USP25: variants seen among roughly 807,000 people sequenced by gnomAD.
USP25 encodes the protein ubiquitin carboxyl-terminal hydrolase 25.
A neutral mutation model predicts 158.5 loss-of-function variants in USP25; 85 were observed. The ratio of observed to expected loss-of-function variants is 0.54; its 90% CI spans 0.45 to 0.64. The LOEUF (loss-of-function observed/expected upper bound fraction) is 0.64. USP25 is among the 30% of genes least tolerant of loss of function. The probability of loss-of-function intolerance (pLI) is 0.00; values close to 1 mark genes in which losing one functional copy is unlikely to be tolerated. For synonymous variants in USP25, 464 were observed against 460.4 expected, an observed-to-expected ratio of 1.01 and a Z score of -0.10; for missense variants, 1,242 against 1,327.3, an observed-to-expected ratio of 0.94 and a Z score of 1.00.
chr21:15,783,753 C>G (rs926665860), intron 4 of USP25, among the ~76,000 whole-genome samples: 1 of 148,416 alleles, frequency 6.7e-6, no homozygotes, highest in East Asian at 2.0e-4. Context: ...GTCAGGAGAT[C>G]GAGACCATCT....
intron 5 of USP25, among the ~76,000 whole-genome samples, chr21:15,792,173 T>A (rs2035623317): frequency 6.6e-6 from 1 of 151,720 alleles, no homozygotes; most frequent in South Asian, 2.1e-4. Flanking sequence ...TATTGATAAA[T>A]CAAGAATAAC....
chr21:15,857,497 C>A (rs2039210545), intron 20 of USP25, among the ~76,000 whole-genome samples: 1 of 152,004 alleles, frequency 6.6e-6, no homozygotes, highest in African/African-American at 2.4e-5. Flanking sequence ...AAATGTATTT[C>A]TTTGATCTTT....
chr21:15,787,234 G>A (rs1301474357), intron 4 of USP25, among the ~76,000 whole-genome samples: 2 of 152,028 alleles, frequency 1.3e-5, no homozygotes, highest in African/African-American at 2.4e-5. Flanking sequence ...TGACCCTTCA[G>A]AGAATTAGAA....
chr21:15,865,795 G>C (rs147662152), intron 21 of USP25, among the ~76,000 whole-genome samples: 38 of 152,146 alleles, frequency 2.5e-4, no homozygotes, highest in African/African-American at 9.1e-4. Flanking sequence ...AATACATTTC[G>C]TGAGGATTTC....
intron 1 of USP25, chr21:15,745,039 C>T (rs1472043771): frequency 6.6e-6 from 1 of 152,370 alleles, no homozygotes; most frequent in East Asian, 1.9e-4. Flanking sequence ...CACTTCCCCT[C>T]CCTTCCCCTC....
intron 10 of USP25, among the ~76,000 whole-genome samples, chr21:15,823,470 T>A (rs1398538891): frequency 6.6e-6 from 1 of 152,120 alleles, no homozygotes; most frequent in Non-Finnish European, 1.5e-5. Context: ...TTTAAGTAAA[T>A]TACTCTAAGT....
Position 15,811,316 on chromosome 21 carries a change from A to C in USP25, c.931+106A>C, listed in dbSNP as rs2036651374. 3 of 1,009,856 alleles carry C rather than the reference A, an allele frequency of 3.0e-6. No homozygotes were observed. In the Middle Eastern group the frequency reaches 6.8e-4, roughly 229 times the overall value. 62.6% of individuals were successfully genotyped at this position (1,009,856 alleles called of 1,614,324 possible). On this transcript the variant is annotated intron_variant, in intron 9 of 25. Coordinates refer to ENST00000400183, the MANE Select transcript of USP25 (RefSeq NM_001283041.3). ...TAGTGGACTTTATTTTTAATTTGAT[A>C]TATTCTGTCTAGTAATTTTTGTTGG...
chr21:15,736,765 G>A (rs1264577411), intron 1 of USP25, among the ~76,000 whole-genome samples: 1 of 151,924 alleles, frequency 6.6e-6, no homozygotes, highest in African/African-American at 2.4e-5. Flanking sequence ...GTTTTGTTGG[G>A]ATAATATAGA....
Position 15,875,521 on chromosome 21 carries a change from C to G in USP25, c.3009+995C>G, listed in dbSNP as rs932343907. On this transcript the variant is annotated intron_variant, in intron 24 of 25. Coordinates refer to ENST00000400183, the MANE Select transcript of USP25 (RefSeq NM_001283041.3). The surrounding 1 kb of genome is among the most constrained non-coding windows in gnomAD (Gnocchi z 4.7). ...ACTTCCTGTCCTCAGAAAACTCAGTCTGGTAGGAGACATAATTGTTTGTTC... is the reference window on the plus strand; with the variant it reads ...ACTTCCTGTCCTCAGAAAACTCAGTGTGGTAGGAGACATAATTGTTTGTTC... Among the ~76,000 whole-genome samples the G allele has an allele frequency of 6.6e-6, 1 of 152,154 alleles. No individual in the cohort carries two copies. Among genetic ancestry groups the G allele is most frequent in the African/African-American group, 2.4e-5 (1 of 41,418 alleles).
At chr21:15,827,771 T>C (rs75324988) in intron 14 of USP25, among the ~76,000 whole-genome samples, 2,128 of 98,570 alleles carry the variant, frequency 0.022, 20 homozygotes, top group African/African-American at 0.034. Flanking sequence ...TGTGCGTGTG[T>C]GTGTGTGTGT....
At chr21:15,808,772 TAGGC>T in intron 7 of USP25, 33 bp from the exon 8 acceptor site, 1 of 1,510,828 alleles carries the variant, frequency 6.6e-7, no homozygotes. Flanking sequence ...TTTTTTTTAG[TAGGC>T]TCAAATATCA....
At chr21:15,777,265 ATATT>A (rs1356773920) in intron 3 of USP25, among the ~76,000 whole-genome samples, 1 of 152,226 alleles carries the variant, frequency 6.6e-6, no homozygotes, top group Non-Finnish European at 1.5e-5. Flanking sequence ...AAAGGACTGC[ATATT>A]TATTAAGCAA....
At chr21:15,751,187 G>A (rs2032989541) in intron 1 of USP25, among the ~76,000 whole-genome samples, 1 of 152,158 alleles carries the variant, frequency 6.6e-6, no homozygotes, top group Admixed American at 6.5e-5. Flanking sequence ...GAGAGGTTGT[G>A]AATGGAGCCC....
chr21:15,758,668 A>G (rs2033542461), intron 1 of USP25, among the ~76,000 whole-genome samples: 1 of 152,220 alleles, frequency 6.6e-6, no homozygotes, highest in Non-Finnish European at 1.5e-5. Context: ...TATAAAGAAA[A>G]AGATATTTAA....
chr21:15,798,671 T>C (rs1259735841), intron 5 of USP25, among the ~76,000 whole-genome samples: 4 of 151,388 alleles, frequency 2.6e-5, no homozygotes, highest in South Asian at 4.1e-4. Flanking sequence ...TTATTTTATG[T>C]GCTTATATTG....
intron 7 of USP25, among the ~76,000 whole-genome samples, chr21:15,807,232 T>G (rs1396361143): frequency 6.6e-6 from 1 of 152,218 alleles, no homozygotes; most frequent in African/African-American, 2.4e-5. Context: ...TTGGCCCCAA[T>G]TGATACTGTC....
intron 21 of USP25, among the ~76,000 whole-genome samples, chr21:15,865,605 C>T (rs79727172): frequency 0.072 from 10,989 of 152,186 alleles, 487 homozygotes; most frequent in East Asian, 0.092. Flanking sequence ...TTGTGACCCT[C>T]GTTATCTGTG....
intron 1 of USP25, among the ~76,000 whole-genome samples, chr21:15,746,058 TA>T (rs1180252234): frequency 6.6e-6 from 1 of 152,232 alleles, no homozygotes; most frequent in Admixed American, 6.5e-5. Context: ...TTTCTATCCT[TA>T]TGTGGTGCCG....
At chr21:15,818,551 C>A in intron 9 of USP25, 147 bp from the exon 10 acceptor site, 2 of 670,810 alleles carry the variant, frequency 3.0e-6, no homozygotes, top group South Asian at 2.2e-5. Flanking sequence ...TGTGTATAAA[C>A]CAACAGGAAA....
Sources: gnomAD v4.1 joint callset for allele counts (sites outside exome capture counted in the v4.1 genomes callset) on GRCh38, gnomAD v4.1.1 for gene constraint, Gnocchi (gnomAD v3.1) non-coding constraint, MANE v1.5 for transcripts, NCBI Gene and HGNC (gene_info 2026-07-23, HGNC 2026-07-21) for gene names.